The following GRM4 variants were observed in gnomAD, a reference collection of about 807,000 sequenced individuals.
The protein encoded by GRM4 is glutamate metabotropic receptor 4, also known as metabotropic glutamate receptor 4.
GRM4 carries 28 observed loss-of-function variants against 81.7 expected under a neutral mutation model. The ratio of observed to expected loss-of-function variants is 0.34; its 90% CI spans 0.25 to 0.47. The LOEUF (loss-of-function observed/expected upper bound fraction) is 0.47. Among genes scored for constraint, GRM4 ranks in the 20% least tolerant of loss-of-function variants. The pLI is 1.00. For synonymous variants in GRM4, 488 were observed against 528.8 expected (o/e 0.92, Z 1.06); for missense variants, 948 against 1,290.0 (o/e 0.73, Z 4.06).
At chr6:34,056,386 A>G (rs1765874285) in intron 6 of GRM4, 158 bp downstream of exon 6, 3 of 595,026 alleles carry the variant, frequency 5.0e-6, no homozygotes, top group Non-Finnish European at 5.8e-6. Flanking sequence ...GCCCCGCCCC[A>G]GGCCTCCCAA....
chr6:34,149,469 G>A (rs1425742959), upstream of GRM4, among the ~76,000 whole-genome samples: 3 of 152,238 alleles, frequency 2.0e-5, no homozygotes, highest in East Asian at 5.8e-4. Flanking sequence ...AGTGGCCCCA[G>A]GCTCTCCAGG....
At chr6:34,096,922 G>T (rs1768550888) in intron 2 of GRM4, among the ~76,000 whole-genome samples, 1 of 131,504 alleles carries the variant, frequency 7.6e-6, no homozygotes, top group Non-Finnish European at 1.9e-5. Context: ...CTGAGTGTGT[G>T]TGTGTGTGTG....
chr6:34,026,815 C>T (rs1165461898), intron 10 of GRM4, among the ~76,000 whole-genome samples: 1 of 152,156 alleles, frequency 6.6e-6, no homozygotes, highest in African/African-American at 2.4e-5. Context: ...GGGGCTAATA[C>T]CCCCTAGCTC....
chr6:34,154,425 G>A (rs183643398), intron 1 of GRM4, among the ~76,000 whole-genome samples: 197 of 152,270 alleles, frequency 1.3e-3, no homozygotes, highest in African/African-American at 4.5e-3. Context: ...AGAATTCCGA[G>A]GCATCCCGCT....
At chr6:34,071,859 AC>A (rs1372226421) in intron 3 of GRM4, among the ~76,000 whole-genome samples, 4 of 1,314 alleles carry the variant, frequency 3.0e-3, no homozygotes, top group African/African-American at 8.9e-3. Context: ...CACACACACA[AC>A]CATACATCAA....
rs1770916929 is a variant in GRM4, at chr6:34,145,981, C to A, written c.-364+19G>T. The A allele has an allele frequency of 1.0e-6, 1 of 984,360 alleles. No individual in the cohort carries two copies. The highest frequency in any genetic ancestry group is 4.7e-5 in the South Asian group (1 of 21,252). The allele number at this position is 984,360 out of a possible 1,614,324, so 61.0% of individuals were successfully genotyped here. On this transcript the variant is annotated intron_variant, in intron 1 of 10. Coordinates refer to ENST00000538487, the MANE Select transcript of GRM4 (RefSeq NM_000841.4). ...AGCCCCCCCCTTCCTCCTCCCCGTG[C>A]GCGTGCCAGCTCACCTACCCCGAGG...
At chr6:34,084,670 C>G (rs1312150249) in intron 3 of GRM4, among the ~76,000 whole-genome samples, 1 of 152,208 alleles carries the variant, frequency 6.6e-6, no homozygotes, top group Non-Finnish European at 1.5e-5. Flanking sequence ...CTAAAAGAAA[C>G]TCTCCTCAGC....
intron 5 of GRM4, among the ~76,000 whole-genome samples, chr6:34,057,460 C>T (rs1034043564): frequency 2.6e-5 from 4 of 152,198 alleles, no homozygotes; most frequent in Admixed American, 2.6e-4. Context: ...GGAGGTTTGG[C>T]CTGCAGTAGG....
intron 6 of GRM4, among the ~76,000 whole-genome samples, chr6:34,044,300 A>G (rs1765185732): frequency 6.6e-6 from 1 of 151,814 alleles, no homozygotes; most frequent in African/African-American, 2.4e-5. Context: ...AGACATACAT[A>G]CATACACATA....
At chr6:34,153,955 A>G (rs1476038480) in intron 1 of GRM4, among the ~76,000 whole-genome samples, 1 of 149,826 alleles carries the variant, frequency 6.7e-6, no homozygotes, top group East Asian at 1.9e-4. Flanking sequence ...TGAAGCCAGG[A>G]AAGACCCCCT....
chr6:34,083,491 G>A (rs1177716253), intron 3 of GRM4, among the ~76,000 whole-genome samples: 1 of 152,194 alleles, frequency 6.6e-6, no homozygotes, highest in Non-Finnish European at 1.5e-5. Context: ...CTTGGCAGGG[G>A]GCACACGTGC....
chr6:34,123,271 C>G (rs1462815185), intron 2 of GRM4, among the ~76,000 whole-genome samples: 3 of 152,198 alleles, frequency 2.0e-5, no homozygotes, highest in Admixed American at 2.0e-4. Flanking sequence ...GACCCCAGGT[C>G]AGTAAGTCCC....
chr6:34,128,669 C>T lies in GRM4; in HGVS notation c.519+4309G>A, dbSNP rs138519629. Among the ~76,000 whole-genome samples the T allele has an allele frequency of 2.8e-3, 431 of 152,286 alleles. 2 individuals carry two copies. The highest frequency in any genetic ancestry group is 9.8e-3 in the African/African-American group (406 of 41,548). On this transcript the variant is annotated intron_variant, in intron 2 of 10. Transcript: ENST00000538487. ...CTGGGATTACAGGCGTGAGCCACCACACCTAGCTGGACCTTAATTTTTAAT... is the reference window on the plus strand; with the variant it reads ...CTGGGATTACAGGCGTGAGCCACCATACCTAGCTGGACCTTAATTTTTAAT...
At chr6:34,151,802 G>A (rs1771052347) in intron 1 of GRM4, among the ~76,000 whole-genome samples, 1 of 149,694 alleles carries the variant, frequency 6.7e-6, no homozygotes, top group African/African-American at 2.5e-5. Context: ...CACACTCCAC[G>A]AACAGACCAG....
At chr6:34,056,978 G>A (rs1039729714) in intron 5 of GRM4, among the ~76,000 whole-genome samples, 3 of 152,168 alleles carry the variant, frequency 2.0e-5, no homozygotes, top group Non-Finnish European at 4.4e-5. Context: ...TGCTAACAGC[G>A]GGCTTTGAGA....
At position 34,115,806 on chromosome 6, in the gene GRM4, C is replaced by G. The variant is rs1436491175; in HGVS notation, c.519+17172G>C. ...CAGGAGAAACTGCGGACACATCACA[C>G]CTCCCTGGGCTCCATTTGTTATCAC... On this transcript the variant is annotated intron_variant, in intron 2 of 10. Coordinates refer to ENST00000538487, the MANE Select transcript of GRM4 (RefSeq NM_000841.4). The surrounding 1 kb of genome is among the most constrained non-coding windows in gnomAD (Gnocchi z 4.1). 6.6e-6 allele frequency among the ~76,000 whole-genome samples: 1 copy of G among 152,206 alleles called. No individual in the cohort carries two copies. Among genetic ancestry groups the G allele is most frequent in the Non-Finnish European group, 1.5e-5 (1 of 68,048 alleles).
At position 34,074,527 on chromosome 6, in the gene GRM4, C is replaced by T. The variant is rs900664908; in HGVS notation, c.737-12499G>A. Among the ~76,000 whole-genome samples, 3 of 139,600 alleles carry T rather than the reference C, an allele frequency of 2.1e-5. No homozygotes were observed. The highest frequency in any genetic ancestry group is 6.0e-5 in the African/African-American group (2 of 33,226). 91.6% of individuals were successfully genotyped at this position (139,600 alleles called of 152,430 possible). ...AGTGTGGCTCAGAGCTGAGCCCTGCCGTCCCCTGCCAGGAGAGGAGGCTGC... is the reference window on the plus strand; with the variant it reads ...AGTGTGGCTCAGAGCTGAGCCCTGCTGTCCCCTGCCAGGAGAGGAGGCTGC... On this transcript the variant is annotated intron_variant, in intron 3 of 10. Transcript: ENST00000538487. This position sits in a 1 kb window ranked among gnomAD's most constrained non-coding sequence, Gnocchi z 4.9.
At position 34,074,110 on chromosome 6, in the gene GRM4, AGG is replaced by A. The variant is rs1444922662; in HGVS notation, c.737-12084_737-12083del. Among the ~76,000 whole-genome samples, 1 of 150,958 alleles carries A rather than the reference AGG, an allele frequency of 6.6e-6. No individual in the cohort carries two copies. Among genetic ancestry groups the A allele is most frequent in the Non-Finnish European group, 1.5e-5 (1 of 67,628 alleles). ...GCCAGGAGAACGGGGCTGGATCTCG[AGG>A]TGCAGGGGCGCCGATGGGGAAGAAG... On this transcript the variant is annotated intron_variant, in intron 3 of 10. Coordinates refer to ENST00000538487, the MANE Select transcript of GRM4 (RefSeq NM_000841.4). This position sits in a 1 kb window ranked among gnomAD's most constrained non-coding sequence, Gnocchi z 4.9.
intron 5 of GRM4, 76 bp from the exon 6 acceptor site, chr6:34,056,760 G>T: frequency 6.6e-7 from 1 of 1,511,742 alleles, no homozygotes. Context: ...CCTCCCCCAG[G>T]ATAAGAGATG....
Sources: allele counts gnomAD v4.1 joint callset (sites outside exome capture counted in the v4.1 genomes callset), GRCh38; gene constraint gnomAD v4.1.1; non-coding constraint Gnocchi (gnomAD v3.1); transcripts MANE v1.5; gene names NCBI Gene and HGNC (gene_info 2026-07-23, HGNC 2026-07-21).